Variants in RASSF5 observed in about 807,000 individuals in gnomAD.
The protein encoded by RASSF5 is Ras association domain family member 5, also known as ras association domain-containing protein 5.
RASSF5 carries 25 observed loss-of-function variants against 40.5 expected under a neutral mutation model. The observed-to-expected ratio is 0.62, with a 90% CI of 0.45 to 0.86. The LOEUF (loss-of-function observed/expected upper bound fraction) is 0.86, where lower values mean the gene tolerates loss of function less well. Among genes scored for constraint, RASSF5 ranks in the 40% least tolerant of loss-of-function variants. The pLI, the probability that RASSF5 is intolerant of heterozygous loss-of-function variation, is 0.00. For missense variants in RASSF5, 521 were observed against 572.8 expected, an observed-to-expected ratio of 0.91 and a Z score of 0.92; for synonymous variants, 246 against 252.4, an observed-to-expected ratio of 0.97 and a Z score of 0.24.
At position 206,519,339 on chromosome 1, in the gene RASSF5, C is replaced by T. The variant is rs565263235; in HGVS notation, c.457+11280C>T. On this transcript the variant is annotated intron_variant, in intron 1 of 5. Coordinates refer to ENST00000579436, the MANE Select transcript of RASSF5 (RefSeq NM_182663.4). ...CTGCCTTCCAGCCTTGGATTCCTTCCGCTGTCTCATGCTGTCCACAGCATC... is the reference window on the plus strand; with the variant it reads ...CTGCCTTCCAGCCTTGGATTCCTTCTGCTGTCTCATGCTGTCCACAGCATC... Among the ~76,000 whole-genome samples, 195 of 152,334 alleles carry T rather than the reference C, an allele frequency of 1.3e-3. 1 individual carries two copies. The highest frequency in any genetic ancestry group is 1.5e-3 in the African/African-American group (61 of 41,572).
At chr1:206,539,624 G>A (rs868931098) in intron 2 of RASSF5, among the ~76,000 whole-genome samples, 1 of 152,170 alleles carries the variant, frequency 6.6e-6, no homozygotes, top group African/African-American at 2.4e-5. Flanking sequence ...CTCCACAGAC[G>A]TTGGAATAGT....
rs1234628563 is a variant in RASSF5, at chr1:206,513,328, C to G, written c.457+5269C>G. Among the ~76,000 whole-genome samples, 1 of 152,256 alleles carries G rather than the reference C, an allele frequency of 6.6e-6. No homozygotes were observed. The highest frequency in any genetic ancestry group is 1.5e-5 in the Non-Finnish European group (1 of 68,044). On this transcript the variant is annotated intron_variant, in intron 1 of 5. Transcript: ENST00000579436. The surrounding 1 kb of genome is among the most constrained non-coding windows in gnomAD (Gnocchi z 5.0). Reference sequence around the variant, plus strand: ...ACCTGTAAACACATCTCTGGCCTCACCAGAGGCCCTTCCTGTTCGCATTCC... The same window carrying G: ...ACCTGTAAACACATCTCTGGCCTCAGCAGAGGCCCTTCCTGTTCGCATTCC...
chr1:206,573,220 G>A (rs1204227808), intron 2 of RASSF5, among the ~76,000 whole-genome samples: 2 of 152,164 alleles, frequency 1.3e-5, no homozygotes, highest in Non-Finnish European at 2.9e-5. Flanking sequence ...CAGCACTTTT[G>A]GAGGCCGAGG....
chr1:206,525,267 C>A (rs1553397017), intron 1 of RASSF5, among the ~76,000 whole-genome samples: 1 of 152,094 alleles, frequency 6.6e-6, no homozygotes, highest in East Asian at 1.9e-4. Context: ...CCCCTGCAGG[C>A]CAACCAGGGC....
At chr1:206,528,078 A>C (rs1667141680) in intron 1 of RASSF5, among the ~76,000 whole-genome samples, 1 of 152,206 alleles carries the variant, frequency 6.6e-6, no homozygotes, top group Non-Finnish European at 1.5e-5. Context: ...CAAAATTTGG[A>C]AGCAACCAAG....
chr1:206,573,707 C>G (rs1450961885), intron 2 of RASSF5, among the ~76,000 whole-genome samples: 4 of 152,158 alleles, frequency 2.6e-5, no homozygotes, highest in Non-Finnish European at 4.4e-5. Flanking sequence ...GGATGGTCTA[C>G]TTGGAAGTTA....
intron 2 of RASSF5, among the ~76,000 whole-genome samples, chr1:206,575,542 CT>C (rs1402450345): frequency 6.6e-6 from 1 of 152,022 alleles, no homozygotes; most frequent in Non-Finnish European, 1.5e-5. Flanking sequence ...TAGAAATGTT[CT>C]TTGTGCTCCT....
Position 206,584,328 on chromosome 1 carries a change from C to T in RASSF5, c.691-59C>T. The T allele has an allele frequency of 6.6e-7, 1 of 1,520,462 alleles. No homozygotes were observed. The highest frequency in any genetic ancestry group is 8.9e-7 in the Non-Finnish European group (1 of 1,124,380). The allele number at this position is 1,520,462 out of a possible 1,614,324, so 94.2% of individuals were successfully genotyped here. A position where few individuals can be genotyped will look rare whatever the true frequency, so the allele number is the denominator to read the frequency against. ...CTGCTGGGGCAATGGCCCCGAGTGG[C>T]AGATATGATCATGCAAGGCGGACGG... On this transcript the variant is annotated intron_variant, in intron 3 of 5. Coordinates refer to ENST00000579436, the MANE Select transcript of RASSF5 (RefSeq NM_182663.4). This position sits in a 1 kb window ranked among gnomAD's most constrained non-coding sequence, Gnocchi z 4.9.
intron 2 of RASSF5, chr1:206,543,981 T>C: frequency 6.6e-6 from 1 of 152,212 alleles, no homozygotes; most frequent in East Asian, 1.9e-4. Flanking sequence ...ATTGATCTCC[T>C]GACCTTGTGA....
At position 206,524,456 on chromosome 1, in the gene RASSF5, A is replaced by ATT. The variant is rs200979206; in HGVS notation, c.458-13715_458-13714dup. Among the ~76,000 whole-genome samples, 998 of 138,816 alleles carry ATT rather than the reference A, an allele frequency of 7.2e-3. 16 individuals are homozygous for ATT. Among genetic ancestry groups the ATT allele is most frequent in the African/African-American group, 0.025 (948 of 37,662 alleles). 91.1% of individuals were successfully genotyped at this position (138,816 alleles called of 152,430 possible). A position where few individuals can be genotyped will look rare whatever the true frequency, so the allele number is the denominator to read the frequency against. ...ACCATATATAATATATTTTCTATATATTATATATATAAATATATATATGGT... is the reference window on the plus strand; with the variant it reads ...ACCATATATAATATATTTTCTATATATTTTATATATATAAATATATATATGGT... On this transcript the variant is annotated intron_variant, in intron 1 of 5. Coordinates refer to ENST00000579436, the MANE Select transcript of RASSF5 (RefSeq NM_182663.4).
intron 2 of RASSF5, among the ~76,000 whole-genome samples, chr1:206,570,497 A>G (rs916994250): frequency 1.3e-5 from 2 of 151,878 alleles, no homozygotes; most frequent in Admixed American, 6.6e-5. Context: ...TGTTTTCCCC[A>G]ACTGAAACTC....
At chr1:206,539,949 G>A (rs533857388) in intron 2 of RASSF5, among the ~76,000 whole-genome samples, 30 of 152,170 alleles carry the variant, frequency 2.0e-4, no homozygotes, top group Non-Finnish European at 3.8e-4. Context: ...CCACCCTGGA[G>A]CCTGGCTGTC....
At chr1:206,558,068 A>G (rs1043425906) in intron 2 of RASSF5, among the ~76,000 whole-genome samples, 3 of 152,248 alleles carry the variant, frequency 2.0e-5, no homozygotes, top group African/African-American at 7.2e-5. Flanking sequence ...CCAATCCCAC[A>G]ATAAGATAAA....
chr1:206,518,402 G>C, intron 1 of RASSF5: 1 of 398,708 alleles, frequency 2.5e-6, no homozygotes, highest in Non-Finnish European at 4.4e-6. Context: ...CCGAGGGCCA[G>C]GAGGAGAAGG....
intron 1 of RASSF5, among the ~76,000 whole-genome samples, chr1:206,527,671 C>G (rs1298606119): frequency 2.0e-5 from 3 of 152,054 alleles, no homozygotes; most frequent in Non-Finnish European, 4.4e-5. Context: ...AAGACAGGAC[C>G]GAAGCCTCAG....
In RASSF5 at chr1:206,545,451, C is replaced by A. The variant is rs1231271518; in HGVS notation, c.579+7158C>A. 2.6e-5 allele frequency among the ~76,000 whole-genome samples: 4 copies of A among 151,468 alleles called. No individual in the cohort carries two copies. In the East Asian group the frequency reaches 7.8e-4, roughly 29 times the overall value. ...TGAACTCCTGGGCTCAAGTGATCCTCCAGCCTCAGCCTCCCAAGTAGCTGG... is the reference window on the plus strand; with the variant it reads ...TGAACTCCTGGGCTCAAGTGATCCTACAGCCTCAGCCTCCCAAGTAGCTGG... On this transcript the variant is annotated intron_variant, in intron 2 of 5. Coordinates refer to ENST00000579436, the MANE Select transcript of RASSF5 (RefSeq NM_182663.4).
chr1:206,530,060 G>A (rs1485779146), intron 1 of RASSF5, among the ~76,000 whole-genome samples: 1 of 152,222 alleles, frequency 6.6e-6, no homozygotes, highest in Non-Finnish European at 1.5e-5. Context: ...TGTCATCACA[G>A]TGTGGGTACG....
At chr1:206,523,758 CATA>C (rs1666997076) in intron 1 of RASSF5, among the ~76,000 whole-genome samples, 1 of 90,462 alleles carries the variant, frequency 1.1e-5, no homozygotes, top group Non-Finnish European at 1.9e-5. Flanking sequence ...ATATAATATA[CATA>C]ATATATTTTA....
chr1:206,542,842 A>G (rs1558506174), intron 2 of RASSF5: 2 of 152,250 alleles, frequency 1.3e-5, no homozygotes, highest in Non-Finnish European at 2.9e-5. Context: ...TTCTCAGCAC[A>G]CATTAAATGA....
Sources: allele counts gnomAD v4.1 joint callset (sites outside exome capture counted in the v4.1 genomes callset), GRCh38; gene constraint gnomAD v4.1.1; non-coding constraint Gnocchi (gnomAD v3.1); transcripts MANE v1.5; gene names NCBI Gene and HGNC (gene_info 2026-07-23, HGNC 2026-07-21).